HSF2BP: variants seen among roughly 807,000 people sequenced by gnomAD.
HSF2BP encodes heat shock transcription factor 2 binding protein.
HSF2BP carries 35 observed loss-of-function variants against 35.0 expected under a neutral mutation model. That is an observed-to-expected ratio of 1.00 (90% CI 0.76 to 1.32). The LOEUF (loss-of-function observed/expected upper bound fraction) is 1.32. Ranked by LOEUF, HSF2BP falls within the 40% of genes most tolerant of loss-of-function variation. The pLI is 0.00. For synonymous variants in HSF2BP, 114 were observed against 117.4 expected (o/e 0.97, Z 0.18); for missense variants, 326 against 321.7 (o/e 1.01, Z -0.10).
chr21:43,606,006 G>A (rs538870694), intron 7 of HSF2BP, among the ~76,000 whole-genome samples: 5 of 152,136 alleles, frequency 3.3e-5, no homozygotes, highest in South Asian at 2.1e-4. Flanking sequence ...AAGCTGAGGC[G>A]GCCACACTCA....
At position 43,659,150 on chromosome 21, in the gene HSF2BP, A is replaced by T. The variant is rs903236926; in HGVS notation, c.-225+236T>A. ...CCGTCTCTACAAAAAAATAACAAAT[A>T]GTGGGGCGTGATGGCGCGCGCCTGT... is the stretch of plus-strand genomic sequence containing the variant. On this transcript the variant is annotated intron_variant, in intron 1 of 8. Coordinates refer to ENST00000291560, the MANE Select transcript of HSF2BP (RefSeq NM_007031.2). This position sits in a 1 kb window ranked among gnomAD's most constrained non-coding sequence, Gnocchi z 4.2. Among the ~76,000 whole-genome samples, 2 of 151,956 alleles carry T rather than the reference A, an allele frequency of 1.3e-5. No homozygotes were observed. Among genetic ancestry groups the T allele is most frequent in the Admixed American group, 6.5e-5 (1 of 15,280 alleles).
At chr21:43,653,408 C>T (rs1315081622) in intron 3 of HSF2BP, among the ~76,000 whole-genome samples, 2 of 152,042 alleles carry the variant, frequency 1.3e-5, no homozygotes, top group African/African-American at 4.8e-5. Context: ...AAATCAGGGG[C>T]CCTGCACTCC....
intron 6 of HSF2BP, among the ~76,000 whole-genome samples, chr21:43,614,269 A>T (rs1307214907): frequency 1.3e-5 from 2 of 151,836 alleles, no homozygotes; most frequent in African/African-American, 4.8e-5. Flanking sequence ...AGGTAGAGGC[A>T]GAAGGATTGC....
At chr21:43,637,258 A>G (rs1442266896) in intron 4 of HSF2BP, among the ~76,000 whole-genome samples, 2 of 152,242 alleles carry the variant, frequency 1.3e-5, no homozygotes, top group East Asian at 3.8e-4. Flanking sequence ...GATGTATGCT[A>G]TAACACAAAT....
At chr21:43,594,901 GTTAGA>G (rs1005961123) in intron 7 of HSF2BP, among the ~76,000 whole-genome samples, 16 of 152,282 alleles carry the variant, frequency 1.1e-4, no homozygotes, top group Middle Eastern at 3.4e-3. Flanking sequence ...ATTATAGATG[GTTAGA>G]TTAAAGGAAA....
rs1055088010 is a variant in HSF2BP at position 43,602,442 on chromosome 21, T to C, written c.693-10114A>G. 2.0e-5 allele frequency among the ~76,000 whole-genome samples: 3 copies of C among 152,130 alleles called. No individual in the cohort carries two copies. The East Asian group carries it at 5.8e-4, about 29-fold the overall frequency. On this transcript the variant is annotated intron_variant, in intron 7 of 8. Transcript: ENST00000291560. ...TCATTTGCCCACAAAGGTGAGCTGG[T>C]TTTCCTGCAGAGCTCAGAGCTGCTT...
intron 7 of HSF2BP, among the ~76,000 whole-genome samples, chr21:43,605,403 T>C (rs1208625006): frequency 6.3e-4 from 43 of 67,770 alleles, no homozygotes; most frequent in African/African-American, 8.6e-4. Flanking sequence ...CACCACACAT[T>C]CCCCACACCA....
intron 7 of HSF2BP, among the ~76,000 whole-genome samples, chr21:43,608,673 C>T (rs1422763880): frequency 6.6e-6 from 1 of 151,996 alleles, no homozygotes; most frequent in Non-Finnish European, 1.5e-5. Flanking sequence ...GCACTGCTCA[C>T]AATAGCAAAG....
intron 8 of HSF2BP, among the ~76,000 whole-genome samples, chr21:43,579,693 CT>C (rs2081697137): frequency 6.6e-6 from 1 of 152,196 alleles, no homozygotes; most frequent in African/African-American, 2.4e-5. Context: ...TGACCCTGTG[CT>C]CTATGGGAAC....
intron 4 of HSF2BP, among the ~76,000 whole-genome samples, chr21:43,635,052 G>T (rs2082533059): frequency 6.6e-6 from 1 of 151,766 alleles, no homozygotes; most frequent in African/African-American, 2.4e-5. Flanking sequence ...CCCCAACGCA[G>T]GGTTCCACAC....
At chr21:43,652,186 T>C (rs2082796071) in intron 3 of HSF2BP, among the ~76,000 whole-genome samples, 1 of 152,112 alleles carries the variant, frequency 6.6e-6, no homozygotes, top group South Asian at 2.1e-4. Flanking sequence ...GCAGATCACT[T>C]GAGGTCAGGA....
intron 6 of HSF2BP, among the ~76,000 whole-genome samples, chr21:43,618,173 T>C (rs1187456976): frequency 6.6e-6 from 1 of 151,848 alleles, no homozygotes; most frequent in Admixed American, 6.6e-5. Flanking sequence ...GGTGGGAGGA[T>C]TGCTTGAACC....
chr21:43,583,345 T>G (rs2081788860), intron 8 of HSF2BP, among the ~76,000 whole-genome samples: 1 of 80,464 alleles, frequency 1.2e-5, no homozygotes, highest in African/African-American at 5.5e-5. Context: ...CTGCGGGAGA[T>G]GAGTACCTGT....
chr21:43,640,297 T>C (rs2082618968), intron 4 of HSF2BP, among the ~76,000 whole-genome samples: 1 of 152,232 alleles, frequency 6.6e-6, no homozygotes, highest in East Asian at 1.9e-4. Context: ...AGTGAGACTC[T>C]GTCTCAAGGA....
intron 7 of HSF2BP, among the ~76,000 whole-genome samples, chr21:43,600,734 T>C (rs2082041882): frequency 6.6e-6 from 1 of 152,174 alleles, no homozygotes; most frequent in African/African-American, 2.4e-5. Context: ...TAAAGAATAA[T>C]ACAATACCCA....
intron 4 of HSF2BP, among the ~76,000 whole-genome samples, chr21:43,643,672 A>T (rs1259157338): frequency 3.3e-5 from 5 of 152,166 alleles, no homozygotes; most frequent in Admixed American, 3.3e-4. Context: ...TAAATTACTC[A>T]GCCTCGCCGG....
At chr21:43,650,560 T>A (rs1487127193) in intron 3 of HSF2BP, among the ~76,000 whole-genome samples, 1 of 152,110 alleles carries the variant, frequency 6.6e-6, no homozygotes, top group Admixed American at 6.5e-5. Context: ...AAATTTTTGA[T>A]ACCCACTGAT....
At chr21:43,645,401 T>C (rs888132208) in intron 3 of HSF2BP, among the ~76,000 whole-genome samples, 1 of 152,182 alleles carries the variant, frequency 6.6e-6, no homozygotes. Flanking sequence ...CTTTGAGAAC[T>C]ACTTCTGGGC....
At chr21:43,618,936 C>G (rs949571664) in intron 6 of HSF2BP, among the ~76,000 whole-genome samples, 1 of 150,850 alleles carries the variant, frequency 6.6e-6, no homozygotes, top group Non-Finnish European at 1.5e-5. Flanking sequence ...CAGAGCAAGA[C>G]TCCGTCTCAA....
Sources: allele counts gnomAD v4.1 joint callset (sites outside exome capture counted in the v4.1 genomes callset), GRCh38; gene constraint gnomAD v4.1.1; non-coding constraint Gnocchi (gnomAD v3.1); transcripts MANE v1.5; gene names NCBI Gene and HGNC (gene_info 2026-07-23, HGNC 2026-07-21).